TYW3: variants seen among roughly 807,000 people sequenced by gnomAD.
The protein encoded by TYW3 is tRNA-yW synthesizing protein 3 homolog.
TYW3 carries 26 observed loss-of-function variants against 23.1 expected under a neutral mutation model. The ratio of observed to expected loss-of-function variants is 1.13; its 90% CI spans 0.83 to 1.56. TYW3 has a LOEUF of 1.56. Among genes scored for constraint, TYW3 ranks in the 40% most tolerant of loss-of-function variants. The pLI is 0.00. For synonymous variants in TYW3, 102 were observed against 105.7 expected (o/e 0.97, Z 0.21); for missense variants, 316 against 311.9 (o/e 1.01, Z -0.10).
intron 3 of TYW3, among the ~76,000 whole-genome samples, chr1:74,746,749 G>A (rs1208640030): frequency 3.9e-5 from 6 of 152,208 alleles, no homozygotes; most frequent in African/African-American, 1.2e-4. Context: ...CATTTAAAGA[G>A]GTGGTTAAAG....
rs542002986 is a variant in TYW3, at chr1:74,743,868, C to T, written c.355-4883C>T. On this transcript the variant is annotated intron_variant, in intron 3 of 5. Coordinates refer to ENST00000370867, the MANE Select transcript of TYW3 (RefSeq NM_138467.3). ...ATCTAACAGTAGCATGACATCTCTCCAAGAGAGATCACAGGTTTGCCCTGG... is the reference window on the plus strand; with the variant it reads ...ATCTAACAGTAGCATGACATCTCTCTAAGAGAGATCACAGGTTTGCCCTGG... Among the ~76,000 whole-genome samples the T allele has an allele frequency of 1.0e-3, 157 of 152,172 alleles. 1 individual carries two copies. The highest frequency in any genetic ancestry group is 1.4e-3 in the Non-Finnish European group (93 of 68,034).
intron 2 of TYW3, among the ~76,000 whole-genome samples, chr1:74,737,013 C>A (rs1054519440): frequency 6.6e-6 from 1 of 152,194 alleles, no homozygotes; most frequent in Non-Finnish European, 1.5e-5. Context: ...ACATTACTTA[C>A]CTGCATTGCT....
rs780084077 is a variant in TYW3 at position 74,764,099 on chromosome 1, C to T, written c.766C>T (p.Pro256Ser). 1.2e-6 allele frequency: 2 copies of T among 1,608,558 alleles called. No homozygotes were observed. The change falls in exon 6 of 6, where the codon CCT becomes TCT. Residue 256 changes from proline to serine, a missense_variant. Physicochemically the swap from Pro to Ser is moderately conservative, Grantham distance 74. Transcript: ENST00000370867. ...TCTAGGAATCAATGTTACCATCTTC[C>T]CTGAAGATTACTAAGCTTTGGTTCT... ...DDLGINVTIFPEDY is the reference protein window; with the variant it reads ...DDLGINVTIFSEDY
intron 1 of TYW3, among the ~76,000 whole-genome samples, chr1:74,735,164 C>T (rs186933800): frequency 6.6e-6 from 1 of 152,328 alleles, no homozygotes; most frequent in Non-Finnish European, 1.5e-5. Flanking sequence ...TTATCTCTCA[C>T]CTATGCTATG....
chr1:74,759,641 T>G (rs1557750889), intron 5 of TYW3, among the ~76,000 whole-genome samples: 1 of 152,156 alleles, frequency 6.6e-6, no homozygotes, highest in Non-Finnish European at 1.5e-5. Context: ...AAAATCCACA[T>G]GGCTTTTGTT....
intron 5 of TYW3, among the ~76,000 whole-genome samples, chr1:74,753,765 T>C (rs932459961): frequency 1.3e-5 from 2 of 152,206 alleles, no homozygotes; most frequent in African/African-American, 4.8e-5. Flanking sequence ...CATAAAAATA[T>C]CACCATTCAG....
intron 2 of TYW3, 100 bp from the exon 3 acceptor site, chr1:74,738,590 T>G: frequency 1.4e-6 from 1 of 692,222 alleles, no homozygotes; most frequent in Non-Finnish European, 2.2e-6. Flanking sequence ...GCTGAGTGAT[T>G]CTGAAAATTT....
chr1:74,739,711 A>G (rs1010616788), intron 3 of TYW3, among the ~76,000 whole-genome samples: 3 of 152,238 alleles, frequency 2.0e-5, no homozygotes, highest in South Asian at 2.1e-4. Flanking sequence ...TTTTAAGCAA[A>G]GAGTGGCTTT....
At chr1:74,748,481 C>T (rs1405997992) in intron 3 of TYW3, among the ~76,000 whole-genome samples, 2 of 152,230 alleles carry the variant, frequency 1.3e-5, no homozygotes, top group Non-Finnish European at 2.9e-5. Flanking sequence ...TTTCTGGAAG[C>T]AATCACTAGC....
At chr1:74,754,043 CA>C (rs1198287076) in intron 5 of TYW3, among the ~76,000 whole-genome samples, 1 of 152,122 alleles carries the variant, frequency 6.6e-6, no homozygotes, top group Non-Finnish European at 1.5e-5. Flanking sequence ...TTTAAATAAG[CA>C]AAACCCATTC....
At chr1:74,759,719 C>T in intron 5 of TYW3, among the ~76,000 whole-genome samples, 1 of 152,184 alleles carries the variant, frequency 6.6e-6, no homozygotes, top group East Asian at 1.9e-4. Context: ...TCTTGGCTCA[C>T]TGCAACCTTC....
intron 3 of TYW3, among the ~76,000 whole-genome samples, chr1:74,744,591 A>G (rs1479850109): frequency 6.6e-6 from 1 of 152,168 alleles, no homozygotes; most frequent in Non-Finnish European, 1.5e-5. Flanking sequence ...GCAATAGGCG[A>G]TTGTCCCATC....
chr1:74,738,794 A>C lies in TYW3; in HGVS notation c.354+6A>C, dbSNP rs749751137. On this transcript the variant is annotated splice_donor_region_variant and intron_variant, in intron 3 of 5. Transcript: ENST00000370867. ...TGCAGGATGCACAGATTCTGGTAAA[A>C]TTTTGTTGTAATTGTACTTGAATTT... The C allele has an allele frequency of 6.2e-7, 1 of 1,604,260 alleles. No homozygotes were observed. The highest frequency in any genetic ancestry group is 8.5e-7 in the Non-Finnish European group (1 of 1,172,694).
chr1:74,750,800 C>CTTT lies in TYW3; in HGVS notation c.427-1470_427-1468dup, dbSNP rs34468239. 9.7e-3 allele frequency among the ~76,000 whole-genome samples: 655 copies of CTTT among 67,628 alleles called. 14 individuals carry two copies. The highest frequency in any genetic ancestry group is 0.013 in the Non-Finnish European group (520 of 38,836). 44.4% of individuals were successfully genotyped at this position (67,628 alleles called of 152,430 possible). On this transcript the variant is annotated intron_variant, in intron 4 of 5. Transcript: ENST00000370867. ...TCCTCTCCCTTTCTCTCCCCCGCTC[C>CTTT]TTTTTTTTTTTTTTTTTTTTTTTTG...
intron 1 of TYW3, 48 bp downstream of exon 1, chr1:74,733,466 T>C: frequency 6.2e-7 from 1 of 1,605,590 alleles, no homozygotes; most frequent in Admixed American, 1.7e-5. Flanking sequence ...AGTGCGAAAC[T>C]TCAGGAGCCC....
Position 74,764,178 on chromosome 1 carries a change from A to G in TYW3, c.*65A>G. 1 of 1,417,222 alleles carries G rather than the reference A, an allele frequency of 7.1e-7. No homozygotes were observed. The highest frequency in any genetic ancestry group is 1.3e-5 in the South Asian group (1 of 77,698). The allele number at this position is 1,417,222 out of a possible 1,614,324, so 87.8% of individuals were successfully genotyped here. On this transcript the variant is annotated 3_prime_UTR_variant, in exon 6 of 6. Coordinates refer to ENST00000370867, the MANE Select transcript of TYW3 (RefSeq NM_138467.3). ...AGGTTTTATAAAGCTGCTCTTCATA[A>G]GAGTATTTTAGTTTGTTGAGTGTAT...
At chr1:74,762,115 C>T (rs1388502770) in intron 5 of TYW3, among the ~76,000 whole-genome samples, 3 of 151,846 alleles carry the variant, frequency 2.0e-5, no homozygotes, top group African/African-American at 7.3e-5. Flanking sequence ...TGTTGTTTGC[C>T]AAGCACAGCA....
intron 5 of TYW3, among the ~76,000 whole-genome samples, chr1:74,760,300 T>C (rs971326513): frequency 2.0e-5 from 3 of 152,162 alleles, no homozygotes; most frequent in Non-Finnish European, 2.9e-5. Flanking sequence ...GTGTAGCTTT[T>C]ATTCAAAAAA....
intron 3 of TYW3, among the ~76,000 whole-genome samples, chr1:74,744,551 C>G (rs948970814): frequency 6.6e-6 from 1 of 152,104 alleles, no homozygotes; most frequent in African/African-American, 2.4e-5. Flanking sequence ...GAATAGCAAG[C>G]GAAAGCGGTC....
Sources: gnomAD v4.1 joint callset for allele counts (sites outside exome capture counted in the v4.1 genomes callset) on GRCh38, gnomAD v4.1.1 for gene constraint, MANE v1.5 for transcripts, NCBI Gene and HGNC (gene_info 2026-07-23, HGNC 2026-07-21) for gene names.